KSR1: variants seen among roughly 807,000 people sequenced by gnomAD.
The protein encoded by KSR1 is kinase suppressor of ras 1.
KSR1 carries 35 observed loss-of-function variants against 92.9 expected under a neutral mutation model. That is an observed-to-expected ratio of 0.38 (90% CI 0.29 to 0.50). KSR1 has a LOEUF of 0.50. KSR1 is among the 20% of genes least tolerant of loss of function. The pLI, the probability that KSR1 is intolerant of heterozygous loss-of-function variation, is 0.94. For missense variants in KSR1, 972 were observed against 1,158.5 expected (o/e 0.84, Z 2.34); for synonymous variants, 467 against 472.6 (o/e 0.99, Z 0.15).
intron 1 of KSR1, among the ~76,000 whole-genome samples, chr17:27,529,701 G>A (rs1270421119): frequency 6.6e-6 from 1 of 152,134 alleles, no homozygotes; most frequent in Non-Finnish European, 1.5e-5. Flanking sequence ...TATTTCCTTG[G>A]CCTGTTTAAC....
chr17:27,615,468 GT>G (rs1185182321), intron 18 of KSR1, among the ~76,000 whole-genome samples: 1 of 152,182 alleles, frequency 6.6e-6, no homozygotes, highest in African/African-American at 2.4e-5. Flanking sequence ...TGCAGTTTAG[GT>G]TTTTCCTGTA....
At chr17:27,609,140 A>C (rs1160367374) in intron 15 of KSR1, 56 bp from the exon 16 acceptor site, 2 of 1,571,682 alleles carry the variant, frequency 1.3e-6, no homozygotes, top group Non-Finnish European at 8.7e-7. Flanking sequence ...CATCCAGCCC[A>C]GGGTGGCACC....
At chr17:27,460,207 C>G (rs1046831680) in intron 1 of KSR1, among the ~76,000 whole-genome samples, 6 of 152,058 alleles carry the variant, frequency 3.9e-5, no homozygotes, top group African/African-American at 1.2e-4. Flanking sequence ...CTTGGCCTGC[C>G]TAATAGCTGG....
chr17:27,616,740 C>T (rs773171927), intron 18 of KSR1, among the ~76,000 whole-genome samples: 4 of 152,176 alleles, frequency 2.6e-5, no homozygotes, highest in Non-Finnish European at 5.9e-5. Flanking sequence ...TGCTGGTACA[C>T]ATGTGGATCC....
At chr17:27,511,487 TGAGA>T (rs1344108091) in intron 1 of KSR1, among the ~76,000 whole-genome samples, 1 of 152,088 alleles carries the variant, frequency 6.6e-6, no homozygotes, top group Non-Finnish European at 1.5e-5. Flanking sequence ...AATCTGGAAC[TGAGA>T]AAGACAAGAA....
At chr17:27,470,024 G>A (rs1326942396) in intron 1 of KSR1, among the ~76,000 whole-genome samples, 6 of 149,886 alleles carry the variant, frequency 4.0e-5, no homozygotes, top group East Asian at 2.0e-4. Context: ...GTGTGTGTGT[G>A]TGTGTGTGTG....
chr17:27,457,427 G>A (rs543452154), intron 1 of KSR1, among the ~76,000 whole-genome samples: 1 of 152,176 alleles, frequency 6.6e-6, no homozygotes. Flanking sequence ...GGCGTTTGGT[G>A]CTTTCCTTTC....
chr17:27,609,159 C>G (rs745619063), intron 15 of KSR1, 37 bp from the exon 16 acceptor site: 1 of 1,594,512 alleles, frequency 6.3e-7, no homozygotes, highest in African/African-American at 1.3e-5. Flanking sequence ...CCTCCGTCAT[C>G]GTTGCACATC....
At chr17:27,461,645 A>G (rs1567733902) in intron 1 of KSR1, among the ~76,000 whole-genome samples, 1 of 152,056 alleles carries the variant, frequency 6.6e-6, no homozygotes, top group Non-Finnish European at 1.5e-5. Flanking sequence ...TACCTCCCAA[A>G]TGTTTCTTAG....
chr17:27,571,877 CAG>C (rs1184949453), intron 2 of KSR1, among the ~76,000 whole-genome samples: 2 of 152,212 alleles, frequency 1.3e-5, no homozygotes, highest in African/African-American at 4.8e-5. Context: ...TGGCGCCTCT[CAG>C]TGTCAGCAGG....
chr17:27,611,186 G>A, intron 17 of KSR1: 1 of 348,954 alleles, frequency 2.9e-6, no homozygotes, highest in Non-Finnish European at 5.3e-6. Context: ...CTGAGGTGAA[G>A]CAGTTTTACT....
chr17:27,581,139 G>A (rs1006183507), intron 3 of KSR1, among the ~76,000 whole-genome samples: 1 of 152,118 alleles, frequency 6.6e-6, no homozygotes, highest in African/African-American at 2.4e-5. Flanking sequence ...AGGCAAGGGG[G>A]AGTGAGGCGT....
intron 2 of KSR1, among the ~76,000 whole-genome samples, chr17:27,575,322 C>CT (rs1432320420): frequency 6.6e-6 from 1 of 152,180 alleles, no homozygotes. Flanking sequence ...CTGAGGGCCC[C>CT]TCCCCCTCTT....
chr17:27,470,248 T>G (rs1453322160), intron 1 of KSR1, among the ~76,000 whole-genome samples: 6 of 148,722 alleles, frequency 4.0e-5, no homozygotes, highest in Non-Finnish European at 7.5e-5. Context: ...GTGTTTTTTT[T>G]TTTTTTTTTT....
At chr17:27,541,367 G>A (rs1014640490) in intron 1 of KSR1, among the ~76,000 whole-genome samples, 5 of 152,252 alleles carry the variant, frequency 3.3e-5, no homozygotes, top group Non-Finnish European at 7.3e-5. Context: ...GTTATAGGCA[G>A]CATGATGGCT....
rs752189527 is a variant in KSR1 at position 27,607,938 on chromosome 17, C to G, written c.2019C>G (p.His673Gln). The G allele has an allele frequency of 1.2e-6, 2 of 1,609,722 alleles. No individual in the cohort carries two copies. The highest frequency in any genetic ancestry group is 1.7e-5 in the Admixed American group (1 of 59,510). The change falls in exon 15 of 21, where the codon CAC becomes CAG. Residue 673 changes from histidine (H) to glutamine (Q), a missense_variant. This residue lies in a region of KSR1 where 260 missense variants were observed against 375.2 expected (regional missense o/e 0.69). Coordinates refer to ENST00000644974, the MANE Select transcript of KSR1 (RefSeq NM_001394583.1). ...ITSFCKGRTL[H>Q]SFVRDPKTSL... The stretch of plus-strand genomic sequence containing the variant: ...GCTTCTGCAAGGGGCGGACGTTGCA[C>G]TCGTTTGTGAGGGACCCCAAGACGT...
chr17:27,534,673 TC>T (rs1408191303), intron 1 of KSR1, among the ~76,000 whole-genome samples: 2 of 152,156 alleles, frequency 1.3e-5, no homozygotes, highest in African/African-American at 4.8e-5. Context: ...CCCTTTCTCA[TC>T]CCCCGCTAAT....
chr17:27,605,380 C>T (rs943625574), intron 13 of KSR1, 54 bp from the exon 14 acceptor site: 32 of 1,552,310 alleles, frequency 2.1e-5, no homozygotes, highest in Admixed American at 8.4e-5. Flanking sequence ...AAGGAAGAGA[C>T]GTCGCAGAGC....
chr17:27,539,660 CA>C (rs2070886688), intron 1 of KSR1, among the ~76,000 whole-genome samples: 1 of 152,146 alleles, frequency 6.6e-6, no homozygotes, highest in African/African-American at 2.4e-5. Flanking sequence ...GCTTCAGGCA[CA>C]GGGGAGTTAG....
Sources: gnomAD v4.1 joint callset for allele counts (sites outside exome capture counted in the v4.1 genomes callset) on GRCh38, gnomAD v4.1.1 for gene constraint, gnomAD v4.1.1 regional missense constraint, MANE v1.5 for transcripts, NCBI Gene and HGNC (gene_info 2026-07-23, HGNC 2026-07-21) for gene names.